The following SCLT1 variants were observed in gnomAD, a reference collection of about 807,000 sequenced individuals.
SCLT1 encodes the protein sodium channel-associated protein 1.
SCLT1 carries 78 observed loss-of-function variants against 112.8 expected under a neutral mutation model. That is an observed-to-expected ratio of 0.69 (90% CI 0.58 to 0.83). The LOEUF is 0.83. SCLT1 is among the 40% of genes least tolerant of loss of function. The pLI is 0.00. For synonymous variants in SCLT1, 257 were observed against 254.7 expected (o/e 1.01, Z -0.09); for missense variants, 747 against 770.4 (o/e 0.97, Z 0.36).
chr4:129,048,136 T>G (rs977121281), intron 2 of SCLT1, among the ~76,000 whole-genome samples: 1 of 152,172 alleles, frequency 6.6e-6, no homozygotes, highest in Non-Finnish European at 1.5e-5. Context: ...TAGTCCATTT[T>G]GTGTTGATTT....
rs796957942 is a variant in SCLT1 at position 128,891,285 on chromosome 4, G to A, written c.1830-148C>T. 1.8e-5 allele frequency: 11 copies of A among 614,756 alleles called. No individual in the cohort carries two copies. The African/African-American group carries it at 1.8e-4, about 10-fold the overall frequency. The allele number at this position is 614,756 out of a possible 1,614,324, so 38.1% of individuals were successfully genotyped here. On this transcript the variant is annotated intron_variant, in intron 18 of 20. Transcript: ENST00000281142. ...ACTTACTAATAGACCATATCTCAAG[G>A]ACTTGTTTATTTCTTTTTAACAAAA...
chr4:128,958,583 G>A (rs1434536957), intron 12 of SCLT1, among the ~76,000 whole-genome samples: 1 of 152,068 alleles, frequency 6.6e-6, no homozygotes, highest in Non-Finnish European at 1.5e-5. Flanking sequence ...TATTTTTAAT[G>A]GCTTGGTATA....
At position 128,981,342 on chromosome 4, in the gene SCLT1, A is replaced by G. The variant is rs1375923139; in HGVS notation, c.686+10825T>C. Among the ~76,000 whole-genome samples, 3 of 152,180 alleles carry G rather than the reference A, an allele frequency of 2.0e-5. No homozygotes were observed. The East Asian group carries it at 5.8e-4, about 29-fold the overall frequency. On this transcript the variant is annotated intron_variant, in intron 9 of 20. Transcript: ENST00000281142. ...GTTATTGTAAAATGAATGAAAGGCC[A>G]CTAGCCACCAAGTTAGGATAAGAGG... is the stretch of plus-strand genomic sequence containing the variant.
intron 7 of SCLT1, among the ~76,000 whole-genome samples, chr4:128,998,225 G>A (rs186035444): frequency 6.6e-6 from 1 of 151,754 alleles, no homozygotes; most frequent in Non-Finnish European, 1.5e-5. Context: ...CTTGAAGAAA[G>A]AGATCATAAA....
intron 5 of SCLT1, among the ~76,000 whole-genome samples, chr4:129,007,803 A>C (rs1439994834): frequency 6.6e-6 from 1 of 152,148 alleles, no homozygotes; most frequent in African/African-American, 2.4e-5. Flanking sequence ...AAAACAAAAC[A>C]AAACACCTCT....
At chr4:129,007,594 T>A (rs947373291) in intron 5 of SCLT1, among the ~76,000 whole-genome samples, 2 of 152,202 alleles carry the variant, frequency 1.3e-5, no homozygotes, top group Admixed American at 1.3e-4. Context: ...TTTCTATCCT[T>A]TTATTTTCAC....
At chr4:128,961,098 A>G (rs1035150088) in intron 11 of SCLT1, among the ~76,000 whole-genome samples, 1 of 151,106 alleles carries the variant, frequency 6.6e-6, no homozygotes, top group African/African-American at 2.4e-5. Context: ...AAATTTGACT[A>G]TTTTTTTTCA....
In SCLT1 at chr4:128,891,102, T is replaced by A; in HGVS notation, c.1865A>T (p.Glu622Val). The change falls in exon 19 of 21, where the codon GAG (glutamate) becomes GTG (valine). Residue 622 changes from glutamate to valine, a missense_variant. Glu to Val is a moderately radical substitution (Grantham distance 121, BLOSUM62 -2). Coordinates refer to ENST00000281142, the MANE Select transcript of SCLT1 (RefSeq NM_144643.4). ...TGCCATTTCCAGCTGAGAAAGCAGC[T>A]CTTGGGTATGAAGTTTCTGTCGACT... ...ELSRQKLHTQ[E>V]LLSQLEMANE... The A allele has an allele frequency of 6.2e-7, 1 of 1,613,004 alleles. No homozygotes were observed. Among genetic ancestry groups the A allele is most frequent in the Non-Finnish European group, 8.5e-7 (1 of 1,179,460 alleles).
rs1271570701 is a variant in SCLT1, at chr4:128,887,520, C to T, written c.2004+1159G>A. On this transcript the variant is annotated intron_variant, in intron 20 of 20. Transcript: ENST00000281142. The stretch of plus-strand genomic sequence containing the variant: ...AATATTAATTTTGATTGAAATAATA[C>T]ATTTATAAGCAAATATAATTAATAA... 5.3e-5 allele frequency among the ~76,000 whole-genome samples: 8 copies of T among 152,126 alleles called. No individual in the cohort carries two copies. In the South Asian group the frequency reaches 8.3e-4, roughly 16 times the overall value.
intron 18 of SCLT1, among the ~76,000 whole-genome samples, chr4:128,904,396 G>A (rs994032176): frequency 6.6e-6 from 1 of 152,196 alleles, no homozygotes; most frequent in Non-Finnish European, 1.5e-5. Context: ...TTCTGTGTAA[G>A]TAAAAGTTTA....
At chr4:129,062,453 G>T (rs1750071209) in intron 2 of SCLT1, among the ~76,000 whole-genome samples, 2 of 152,166 alleles carry the variant, frequency 1.3e-5, no homozygotes, top group South Asian at 2.1e-4. Context: ...TACAGTGTCA[G>T]AATATTCTTG....
rs139616396 is a variant in SCLT1, at chr4:128,980,559, TAGC to T, written c.687-10094_687-10092del. On this transcript the variant is annotated intron_variant, in intron 9 of 20. Coordinates refer to ENST00000281142, the MANE Select transcript of SCLT1 (RefSeq NM_144643.4). ...ACCACTTATATATAAGTAATTTTGC[TAGC>T]ATATTTTAAAGATGTCCTGGATTTT... 5.7e-3 allele frequency among the ~76,000 whole-genome samples: 873 copies of T among 152,288 alleles called. 6 individuals carry two copies. The highest frequency in any genetic ancestry group is 0.034 in the Middle Eastern group (10 of 294).
chr4:128,933,052 G>A (rs1477041979), intron 18 of SCLT1, among the ~76,000 whole-genome samples: 2 of 152,106 alleles, frequency 1.3e-5, no homozygotes, highest in Non-Finnish European at 2.9e-5. Context: ...TGAATGTAAT[G>A]CCTATCAAAA....
intron 4 of SCLT1, chr4:129,040,041 T>G: frequency 1.6e-6 from 1 of 614,146 alleles, no homozygotes; most frequent in Admixed American, 2.6e-5. Context: ...GGAGAGAAGC[T>G]TATCCTGGAG....
intron 18 of SCLT1, among the ~76,000 whole-genome samples, chr4:128,925,792 G>A (rs988677599): frequency 4.6e-4 from 70 of 151,436 alleles, no homozygotes; most frequent in African/African-American, 1.5e-3. Context: ...GGTTTCTTTC[G>A]CTCTCTTCAA....
At position 129,039,900 on chromosome 4, in the gene SCLT1, G is replaced by GCACA. The variant is rs36041794; in HGVS notation, c.235-808_235-805dup. The stretch of plus-strand genomic sequence containing the variant: ...GAGCAAATGGAGAGTGTGCGCGCGC[G>GCACA]CACACACACACACACACACACACAC... On this transcript the variant is annotated intron_variant, in intron 4 of 20. Coordinates refer to ENST00000281142, the MANE Select transcript of SCLT1 (RefSeq NM_144643.4). 1.3e-3 allele frequency: 286 copies of GCACA among 219,006 alleles called. 1 individual carries two copies. The highest frequency in any genetic ancestry group is 4.4e-3 in the African/African-American group (192 of 43,442). The allele number at this position is 219,006 out of a possible 1,614,324, so 13.6% of individuals were successfully genotyped here.
At chr4:129,022,049 C>G (rs1745530884) in intron 5 of SCLT1, among the ~76,000 whole-genome samples, 1 of 152,182 alleles carries the variant, frequency 6.6e-6, no homozygotes, top group East Asian at 1.9e-4. Context: ...AGCAGAGCTG[C>G]AGAAGAGGGG....
intron 5 of SCLT1, chr4:128,873,256 G>GAAAAAAAAAAAAAAAAA (rs1296724284): frequency 1.0e-4 from 3 of 28,622 alleles, no homozygotes; most frequent in Non-Finnish European, 1.5e-4. Flanking sequence ...TAAGAAAAAG[G>GAAAAAAAAAAAAAAAAA]AAAAAAAAAA....
At chr4:128,945,636 T>C (rs926311297) in intron 16 of SCLT1, among the ~76,000 whole-genome samples, 6 of 152,026 alleles carry the variant, frequency 3.9e-5, no homozygotes, top group African/African-American at 1.4e-4. Flanking sequence ...TAATAAAATA[T>C]ACAAGATGGA....
Sources: allele counts gnomAD v4.1 joint callset (sites outside exome capture counted in the v4.1 genomes callset), GRCh38; gene constraint gnomAD v4.1.1; transcripts MANE v1.5; gene names NCBI Gene and HGNC (gene_info 2026-07-23, HGNC 2026-07-21).